ZNF804B: variants seen among roughly 807,000 people sequenced by gnomAD.
The protein encoded by ZNF804B is zinc finger protein 804B.
ZNF804B carries 80 observed loss-of-function variants against 101.4 expected under a neutral mutation model. The ratio of observed to expected loss-of-function variants is 0.79; its 90% CI spans 0.66 to 0.95. The LOEUF (loss-of-function observed/expected upper bound fraction) is 0.95. Ranked by LOEUF, ZNF804B falls within the 40% of genes least tolerant of loss-of-function variation. The pLI, the probability that ZNF804B is intolerant of heterozygous loss-of-function variation, is 0.00. For synonymous variants in ZNF804B, 622 were observed against 558.8 expected, an observed-to-expected ratio of 1.11 and a Z score of -1.59; for missense variants, 1,673 against 1,561.9, an observed-to-expected ratio of 1.07 and a Z score of -1.20.
At chr7:89,119,785 C>T (rs1023126387) in intron 1 of ZNF804B, among the ~76,000 whole-genome samples, 3 of 152,040 alleles carry the variant, frequency 2.0e-5, no homozygotes, top group African/African-American at 4.8e-5. Context: ...GTTTGATAAT[C>T]CTGGCATGGA....
chr7:88,826,612 T>C (rs897454281), intron 1 of ZNF804B, among the ~76,000 whole-genome samples: 1 of 152,110 alleles, frequency 6.6e-6, no homozygotes, highest in African/African-American at 2.4e-5. Flanking sequence ...TACAGAATAT[T>C]ATTGGGGTTG....
intron 1 of ZNF804B, among the ~76,000 whole-genome samples, chr7:88,844,744 G>C (rs1268774150): frequency 6.6e-6 from 1 of 152,086 alleles, no homozygotes; most frequent in Non-Finnish European, 1.5e-5. Flanking sequence ...AATGCAATTG[G>C]AGGCTGTATA....
At chr7:88,833,739 ATCTCTGTGAATTTATTT>A (rs1266248000) in intron 1 of ZNF804B, among the ~76,000 whole-genome samples, 1 of 151,874 alleles carries the variant, frequency 6.6e-6, no homozygotes, top group Non-Finnish European at 1.5e-5. Flanking sequence ...ATTTGATTGC[ATCTCTGTGAATTTATTT>A]CACTAGGGTG....
intron 1 of ZNF804B, among the ~76,000 whole-genome samples, chr7:89,199,072 T>C (rs555048405): frequency 6.6e-6 from 1 of 151,954 alleles, no homozygotes; most frequent in African/African-American, 2.4e-5. Flanking sequence ...CCTCTCTTAG[T>C]TTGCAGCACA....
In ZNF804B at chr7:89,333,514, T is replaced by G; in HGVS notation, c.532T>G (p.Ser178Ala). The stretch of plus-strand genomic sequence containing the variant: ...AGGAAAAAATCTCCCCAGAATCATA[T>G]CCGATAAACAGCGGTCCACCATGCC... ...LKGKNLPRII[S>A]DKQRSTMPNR... The change falls in exon 4 of 4, where the codon TCC becomes GCC. Residue 178 changes from serine to alanine, a missense_variant. By Grantham distance (99) the Ser-to-Ala change is moderately conservative (BLOSUM62 1). Coordinates refer to ENST00000333190, the MANE Select transcript of ZNF804B (RefSeq NM_181646.5). 1 of 1,613,442 alleles carries G rather than the reference T, an allele frequency of 6.2e-7. No homozygotes were observed. The highest frequency in any genetic ancestry group is 8.5e-7 in the Non-Finnish European group (1 of 1,179,620).
intron 1 of ZNF804B, among the ~76,000 whole-genome samples, chr7:89,031,061 C>T (rs1562865362): frequency 6.6e-6 from 1 of 151,796 alleles, no homozygotes; most frequent in Non-Finnish European, 1.5e-5. Flanking sequence ...AGGAGAAATA[C>T]CTAATGTAAA....
intron 1 of ZNF804B, among the ~76,000 whole-genome samples, chr7:88,880,271 C>T (rs1792012524): frequency 6.6e-6 from 1 of 152,176 alleles, no homozygotes; most frequent in African/African-American, 2.4e-5. Context: ...AGTTCATAAT[C>T]AGTTTCAGCT....
At position 89,334,198 on chromosome 7, in the gene ZNF804B, A is replaced by G. The variant is rs2116001225; in HGVS notation, c.1216A>G (p.Arg406Gly). The G allele has an allele frequency of 6.2e-7, 1 of 1,613,590 alleles. No individual in the cohort carries two copies. ...KSTVHLNPNS[R>G]IENREKSLDK... ...TACAGTGCATCTGAATCCAAATTCCAGAATAGAGAACAGAGAAAAATCTTT... is the reference window on the plus strand; with the variant it reads ...TACAGTGCATCTGAATCCAAATTCCGGAATAGAGAACAGAGAAAAATCTTT... Residue 406 changes from arginine (R) to glycine (G), a missense_variant, in exon 4 of 4, where the codon AGA becomes GGA. Physicochemically the swap from Arg to Gly is moderately radical, Grantham distance 125 (BLOSUM62 -2). Coordinates refer to ENST00000333190, the MANE Select transcript of ZNF804B (RefSeq NM_181646.5).
chr7:88,874,805 G>A (rs868854347), intron 1 of ZNF804B, among the ~76,000 whole-genome samples: 25 of 151,204 alleles, frequency 1.7e-4, no homozygotes, highest in African/African-American at 2.9e-4. Context: ...TGCACCAAGC[G>A]GACCTAATAG....
chr7:88,764,433 G>T (rs993107710), intron 1 of ZNF804B, among the ~76,000 whole-genome samples: 1 of 152,070 alleles, frequency 6.6e-6, no homozygotes, highest in Non-Finnish European at 1.5e-5. Flanking sequence ...AATCAGGGTC[G>T]CTGAATGTTT....
chr7:88,911,794 C>A, intron 1 of ZNF804B, among the ~76,000 whole-genome samples: 1 of 151,636 alleles, frequency 6.6e-6, no homozygotes. Context: ...CTGTTTTGCC[C>A]TTTTCTAGTT....
chr7:89,052,636 G>T (rs1031837316), intron 1 of ZNF804B, among the ~76,000 whole-genome samples: 1 of 152,062 alleles, frequency 6.6e-6, no homozygotes, highest in African/African-American at 2.4e-5. Context: ...TATAGTTTCT[G>T]ATTTTGTGTC....
chr7:89,004,186 G>A (rs1259427908), intron 1 of ZNF804B, among the ~76,000 whole-genome samples: 1 of 151,300 alleles, frequency 6.6e-6, no homozygotes, highest in Non-Finnish European at 1.5e-5. Flanking sequence ...GCAAATCAAT[G>A]AAAATTAAAC....
chr7:89,182,514 T>C (rs1272802105), intron 1 of ZNF804B, among the ~76,000 whole-genome samples: 1 of 152,194 alleles, frequency 6.6e-6, no homozygotes, highest in Non-Finnish European at 1.5e-5. Flanking sequence ...ATGTGTTTTC[T>C]AATTAATTAT....
intron 1 of ZNF804B, among the ~76,000 whole-genome samples, chr7:89,029,524 A>G (rs1429871802): frequency 2.0e-5 from 3 of 152,194 alleles, no homozygotes; most frequent in Non-Finnish European, 2.9e-5. Flanking sequence ...TAAGCAAGCT[A>G]TTTAATTTTC....
chr7:89,271,702 A>C (rs879258149), intron 2 of ZNF804B, among the ~76,000 whole-genome samples: 2 of 151,986 alleles, frequency 1.3e-5, no homozygotes, highest in Admixed American at 1.3e-4. Flanking sequence ...CTGGTCCTGG[A>C]CTTTTTTTGG....
intron 1 of ZNF804B, among the ~76,000 whole-genome samples, chr7:89,123,740 T>C (rs1244138520): frequency 6.6e-6 from 1 of 152,084 alleles, no homozygotes; most frequent in Non-Finnish European, 1.5e-5. Flanking sequence ...ATTACCCTTT[T>C]ATAGGTGAGG....
At position 88,836,483 on chromosome 7, in the gene ZNF804B, A is replaced by AT. The variant is rs375110653; in HGVS notation, c.108+76402dup. Among the ~76,000 whole-genome samples the AT allele has an allele frequency of 4.0e-3, 606 of 152,028 alleles. 3 individuals are homozygous for AT. The highest frequency in any genetic ancestry group is 0.014 in the African/African-American group (581 of 41,512). On this transcript the variant is annotated intron_variant, in intron 1 of 3. Transcript: ENST00000333190. ...GTAGTCAAGCAAGAACAACAATAAC[A>AT]TTTACATTCAGATAGAGTTCTATTT...
At chr7:88,779,584 A>G (rs1790193399) in intron 1 of ZNF804B, among the ~76,000 whole-genome samples, 1 of 151,844 alleles carries the variant, frequency 6.6e-6, no homozygotes, top group African/African-American at 2.4e-5. Flanking sequence ...TTAATCCTTA[A>G]CACAACCTTA....
Sources: allele counts gnomAD v4.1 joint callset (sites outside exome capture counted in the v4.1 genomes callset), GRCh38; gene constraint gnomAD v4.1.1; transcripts MANE v1.5; gene names NCBI Gene and HGNC (gene_info 2026-07-23, HGNC 2026-07-21).